The following PCDHGB1 variants were observed in gnomAD, a reference collection of about 807,000 sequenced individuals.
The protein encoded by PCDHGB1 is protocadherin gamma-B1.
In PCDHGB1, 34 loss-of-function variants were observed where a neutral mutation model predicts 56.6. The observed-to-expected ratio is 0.60, with a 90% CI of 0.46 to 0.80. The LOEUF (loss-of-function observed/expected upper bound fraction) is 0.80. Ranked by LOEUF, PCDHGB1 falls within the 30% of genes least tolerant of loss-of-function variation. The pLI is 0.00. For synonymous variants in PCDHGB1, 561 were observed against 505.9 expected (o/e 1.11, Z -1.46); for missense variants, 1,278 against 1,204.6 (o/e 1.06, Z -0.90).
Position 141,352,645 on chromosome 5 carries a change from T to G in PCDHGB1, c.2385T>G (p.Ala795=). 6.2e-7 allele frequency: 1 copy of G among 1,605,708 alleles called. No individual in the cohort carries two copies. The highest frequency in any genetic ancestry group is 8.5e-7 in the Non-Finnish European group (1 of 1,175,566). The change falls in exon 1 of 4, where the codon GCT becomes GCG. Residue 795 remains alanine, a synonymous_variant. Coordinates refer to ENST00000523390, the MANE Select transcript of PCDHGB1 (RefSeq NM_018922.3). The part of the protein sequence containing the change: ...VCASNEDHKI[A]YDPSLSSHQA... ...CCAGTAATGAAGATCACAAAATCGC[T>G]TATGACCCTTCTTTGTCTTCGCACG... is the stretch of plus-strand genomic sequence containing the variant.
chr5:141,403,137 G>C (rs2094359580), intron 1 of PCDHGB1: 1 of 1,614,038 alleles, frequency 6.2e-7, no homozygotes, highest in Non-Finnish European at 8.5e-7. Flanking sequence ...CTGGCGGAGC[G>C]CCGAGTCCGC....
rs2099404338 is a variant in PCDHGB1, at chr5:141,477,060, C to T, written c.2410-17747C>T. On this transcript the variant is annotated intron_variant, in intron 1 of 3. Coordinates refer to ENST00000523390, the MANE Select transcript of PCDHGB1 (RefSeq NM_018922.3). This position sits in a 1 kb window ranked among gnomAD's most constrained non-coding sequence, Gnocchi z 4.9. Reference sequence around the variant, plus strand: ...AAGGGTCGGCTGGACTTCGAGGACACCAAACTCCATGAGATTTACATCCAG... The same window carrying T: ...AAGGGTCGGCTGGACTTCGAGGACATCAAACTCCATGAGATTTACATCCAG... 3.7e-6 allele frequency: 6 copies of T among 1,614,256 alleles called. No individual in the cohort carries two copies. The highest frequency in any genetic ancestry group is 5.1e-6 in the Non-Finnish European group (6 of 1,180,046).
rs1288507078 is a variant in PCDHGB1 at position 141,476,171 on chromosome 5, G to A, written c.2410-18636G>A. On this transcript the variant is annotated intron_variant, in intron 1 of 3. Transcript: ENST00000523390. This position sits in a 1 kb window ranked among gnomAD's most constrained non-coding sequence, Gnocchi z 7.6. ...GGTAAGCACCGGGAGGGTAGTGGGA[G>A]TTTTGCTTCTGCTTGGTGCCTTGAA... The A allele has an allele frequency of 1.2e-6, 2 of 1,613,442 alleles. No individual in the cohort carries two copies. The highest frequency in any genetic ancestry group is 1.7e-6 in the Non-Finnish European group (2 of 1,179,978).
At chr5:141,426,919 C>A (rs1220443930) in intron 1 of PCDHGB1, 3 of 456,620 alleles carry the variant, frequency 6.6e-6, no homozygotes, top group African/African-American at 6.0e-5. Context: ...GTCCTGGAAG[C>A]AATGGACATG....
intron 1 of PCDHGB1, chr5:141,471,339 C>G (rs537413312): frequency 2.6e-5 from 4 of 152,366 alleles, no homozygotes; most frequent in Admixed American, 2.6e-4. Context: ...GTATGATCCA[C>G]TGCGCCCGGC....
chr5:141,370,656 G>C, intron 1 of PCDHGB1: 1 of 1,613,852 alleles, frequency 6.2e-7, no homozygotes, highest in South Asian at 1.1e-5. Flanking sequence ...ACTTGTGAGC[G>C]ACCGTATAGA....
rs766260971 is a variant in PCDHGB1 at position 141,365,497 on chromosome 5, T to A, written c.2409+12828T>A. On this transcript the variant is annotated intron_variant, in intron 1 of 3. Transcript: ENST00000523390. ...AGATTGCATGCTCTATTCCTAGGAA[T>A]TTGCCTTTTAAATTGGAGAAGTCAG... 3.1e-6 allele frequency: 5 copies of A among 1,613,978 alleles called. No homozygotes were observed. The South Asian group carries it at 4.4e-5, about 14-fold the overall frequency.
Position 141,485,087 on chromosome 5 carries a change from T to G in PCDHGB1, c.2410-9720T>G. The G allele has an allele frequency of 2.0e-6, 2 of 1,000,176 alleles. No homozygotes were observed. The highest frequency in any genetic ancestry group is 1.5e-6 in the Non-Finnish European group (1 of 651,808). 62.0% of individuals were successfully genotyped at this position (1,000,176 alleles called of 1,614,324 possible). A position where few individuals can be genotyped will look rare whatever the true frequency, so the allele number is the denominator to read the frequency against. The stretch of plus-strand genomic sequence containing the variant: ...CAGAGCTGGCGCGGGGAAAGGGAGA[T>G]AGGTGTCTCCAGCTGCTGTGGCTGT... On this transcript the variant is annotated intron_variant, in intron 1 of 3. Transcript: ENST00000523390. This position sits in a 1 kb window ranked among gnomAD's most constrained non-coding sequence, Gnocchi z 5.7.
chr5:141,385,308 C>A, intron 1 of PCDHGB1: 1 of 1,612,216 alleles, frequency 6.2e-7, no homozygotes, highest in Non-Finnish European at 8.5e-7. Context: ...GTAAAGAAAA[C>A]CTGCCAAGTA....
At chr5:141,361,751 C>T (rs1762164495) in intron 1 of PCDHGB1, 2 of 1,613,064 alleles carry the variant, frequency 1.2e-6, no homozygotes, top group African/African-American at 1.3e-5. Flanking sequence ...GACCAGGGCT[C>T]GCCCGCGCTC....
intron 1 of PCDHGB1, chr5:141,355,328 C>T: frequency 6.2e-7 from 1 of 1,613,960 alleles, no homozygotes; most frequent in East Asian, 2.2e-5. Flanking sequence ...GAAGAAGGCT[C>T]AGTGGTGGGC....
intron 1 of PCDHGB1, chr5:141,375,794 G>T (rs754100940): frequency 6.2e-7 from 1 of 1,614,170 alleles, no homozygotes; most frequent in Non-Finnish European, 8.5e-7. Context: ...CCCCACAGAC[G>T]GTTCCACTGG....
chr5:141,365,723 A>T, intron 1 of PCDHGB1: 1 of 1,613,726 alleles, frequency 6.2e-7, no homozygotes, highest in South Asian at 1.1e-5. Context: ...CACAGAAAAC[A>T]ATCCCAGAGG....
chr5:141,360,903 G>T (rs752031820), intron 1 of PCDHGB1: 1 of 1,613,916 alleles, frequency 6.2e-7, no homozygotes, highest in East Asian at 2.2e-5. Context: ...AGGACGTGCC[G>T]CCGGGCTTCT....
intron 2 of PCDHGB1, among the ~76,000 whole-genome samples, chr5:141,502,478 A>G (rs2099814452): frequency 6.6e-6 from 1 of 150,896 alleles, no homozygotes; most frequent in Non-Finnish European, 1.5e-5. Flanking sequence ...CCGCAGCATC[A>G]CACTGGGACT....
chr5:141,383,486 T>C, intron 1 of PCDHGB1: 1 of 1,613,372 alleles, frequency 6.2e-7, no homozygotes, highest in Non-Finnish European at 8.5e-7. Context: ...GAACTGGTGC[T>C]GGAGCGGGTG....
At position 141,357,442 on chromosome 5, in the gene PCDHGB1, G is replaced by T. The variant is rs1247246465; in HGVS notation, c.2409+4773G>T. Reference sequence around the variant, plus strand: ...CTTTGTGGGCGTGGACGGGGTTCGGGCTTTCCTGCAGACCTATTCCCACGA... The same window carrying T: ...CTTTGTGGGCGTGGACGGGGTTCGGTCTTTCCTGCAGACCTATTCCCACGA... On this transcript the variant is annotated intron_variant, in intron 1 of 3. Coordinates refer to ENST00000523390, the MANE Select transcript of PCDHGB1 (RefSeq NM_018922.3). 6 of 1,614,092 alleles carry T rather than the reference G, an allele frequency of 3.7e-6. No individual in the cohort carries two copies. In the East Asian group the frequency reaches 1.3e-4, roughly 36 times the overall value.
intron 1 of PCDHGB1, chr5:141,355,186 C>T (rs1308919687): frequency 6.3e-7 from 1 of 1,588,558 alleles, no homozygotes; most frequent in East Asian, 2.2e-5. Context: ...CAGGCGACTC[C>T]GCGGCGGGGT....
chr5:141,419,465 G>T, intron 1 of PCDHGB1: 2 of 1,612,542 alleles, frequency 1.2e-6, no homozygotes, highest in Non-Finnish European at 1.7e-6. Context: ...GCAGGCCCGC[G>T]ACCAGGGCTC....
Sources: allele counts gnomAD v4.1 joint callset (sites outside exome capture counted in the v4.1 genomes callset), GRCh38; gene constraint gnomAD v4.1.1; non-coding constraint Gnocchi (gnomAD v3.1); transcripts MANE v1.5; gene names NCBI Gene and HGNC (gene_info 2026-07-23, HGNC 2026-07-21).